GRHPR: variants seen among roughly 807,000 people sequenced by gnomAD.
GRHPR encodes the protein glyoxylate reductase/hydroxypyruvate reductase.
Under a neutral mutation model 36.8 loss-of-function variants are expected in GRHPR, and 35 were observed. That is an observed-to-expected ratio of 0.95 (90% CI 0.73 to 1.26). The LOEUF is 1.26. Ranked by LOEUF, GRHPR falls within the 50% of genes most tolerant of loss-of-function variation. GRHPR has a pLI of 0.00. For synonymous variants in GRHPR, 179 were observed against 181.0 expected (o/e 0.99, Z 0.09); for missense variants, 380 against 435.0 (o/e 0.87, Z 1.12).
downstream of GRHPR, chr9:37,438,532 A>AGT (rs1354374737): frequency 6.6e-6 from 1 of 152,298 alleles, no homozygotes; most frequent in Non-Finnish European, 1.5e-5. Flanking sequence ...AAGTCCACTT[A>AGT]TGCTTCAGCA....
chr9:37,422,745 C>G lies in GRHPR; in HGVS notation c.-6C>G. 6.3e-7 allele frequency: 1 copy of G among 1,577,072 alleles called. No homozygotes were observed. The highest frequency in any genetic ancestry group is 8.6e-7 in the Non-Finnish European group (1 of 1,162,760). ...TGCCAGGTCCGGGTCGGCGGCTGCA[C>G]TGCGGATGAGACCGGTGCGACTCAT... is the stretch of plus-strand genomic sequence containing the variant. On this transcript the variant is annotated 5_prime_UTR_variant, in exon 1 of 9. Transcript: ENST00000318158.
rs778679945 is a variant in GRHPR, at chr9:37,426,043, T to C, written c.287+49T>C. 8.0e-6 allele frequency: 10 copies of C among 1,250,952 alleles called. 1 individual carries two copies. In the South Asian group the frequency reaches 1.2e-4, roughly 15 times the overall value. 77.5% of individuals were successfully genotyped at this position (1,250,952 alleles called of 1,614,324 possible). A position where few individuals can be genotyped will look rare whatever the true frequency, so the allele number is the denominator to read the frequency against. ...GGGGGCCTAGAGAGAGGGGTGGCTA[T>C]GAGAGAAAGAAGAGCTGTTGATTTG... is the stretch of plus-strand genomic sequence containing the variant. On this transcript the variant is annotated intron_variant, in intron 3 of 8. Transcript: ENST00000318158.
downstream of GRHPR, chr9:37,438,529 C>T (rs2840246): frequency 0.1 from 15,355 of 152,284 alleles, 1,304 homozygotes; most frequent in East Asian, 0.49. Flanking sequence ...GCAAAGTCCA[C>T]TTATGCTTCA....
chr9:37,425,366 C>T lies in GRHPR; in HGVS notation c.214+391C>T, dbSNP rs902163713. On this transcript the variant is annotated intron_variant, in intron 2 of 8. Coordinates refer to ENST00000318158, the MANE Select transcript of GRHPR (RefSeq NM_012203.2). ...CCCCAGCAGGATGTCTTTCCTCAAC[C>T]GCAGCCACGGGTCTCAGCCCATGGA... Among the ~76,000 whole-genome samples, 6 of 152,250 alleles carry T rather than the reference C, an allele frequency of 3.9e-5. No individual in the cohort carries two copies. The South Asian group carries it at 8.3e-4, about 21-fold the overall frequency.
rs1183355957 is a variant in GRHPR at position 37,431,115 on chromosome 9, C to T, written c.734+469C>T. 6.8e-6 allele frequency: 3 copies of T among 442,998 alleles called. No individual in the cohort carries two copies. In the Admixed American group the frequency reaches 7.6e-5, roughly 11 times the overall value. 27.4% of individuals were successfully genotyped at this position (442,998 alleles called of 1,614,324 possible). A position where few individuals can be genotyped will look rare whatever the true frequency, so the allele number is the denominator to read the frequency against. On this transcript the variant is annotated intron_variant, in intron 7 of 8. Transcript: ENST00000318158. ...CGTGGTCGTAGCTCCTCACACTGTC[C>T]CTAGGGGTGCCTTCAGGCCACTGGG...
intron 2 of GRHPR, 133 bp downstream of exon 2, chr9:37,425,108 C>T (rs1226466548): frequency 7.9e-6 from 7 of 882,990 alleles, no homozygotes; most frequent in Non-Finnish European, 1.2e-5. Context: ...CAGGCCCGAG[C>T]GGGCAGATAG....
At chr9:37,428,639 C>T (rs1013950815) in intron 5 of GRHPR, 67 bp downstream of exon 5, 21 of 1,053,534 alleles carry the variant, frequency 2.0e-5, no homozygotes, top group East Asian at 4.7e-5. Context: ...CCTGGCACCA[C>T]GTGTCTGAAG....
chr9:37,434,048 C>A, intron 8 of GRHPR: 1 of 177,252 alleles, frequency 5.6e-6, no homozygotes, highest in East Asian at 1.3e-4. Flanking sequence ...CACCCTAGGT[C>A]CTGGAATTCA....
At chr9:37,436,589 A>G in intron 8 of GRHPR, 72 bp from the exon 9 acceptor site, 2 of 1,575,374 alleles carry the variant, frequency 1.3e-6, no homozygotes, top group Non-Finnish European at 1.7e-6. Context: ...AACCCAAGCC[A>G]TGAAAACAGC....
intron 8 of GRHPR, among the ~76,000 whole-genome samples, chr9:37,433,380 T>C (rs1564303246): frequency 6.6e-6 from 1 of 152,056 alleles, no homozygotes; most frequent in Non-Finnish European, 1.5e-5. Flanking sequence ...ATTACAGGCG[T>C]GTACCACCAG....
chr9:37,435,574 G>A (rs1237823489), intron 8 of GRHPR, among the ~76,000 whole-genome samples: 1 of 151,332 alleles, frequency 6.6e-6, no homozygotes, highest in Non-Finnish European at 1.5e-5. Context: ...TTACCAGAGA[G>A]GAGAAGAAAC....
At chr9:37,434,407 G>A in intron 8 of GRHPR, 1 of 521,462 alleles carries the variant, frequency 1.9e-6, no homozygotes, top group Non-Finnish European at 3.4e-6. Context: ...ATAGTATGGA[G>A]AATGTCAAGG....
chr9:37,429,086 A>T (rs1201107045), intron 5 of GRHPR: 2 of 300,376 alleles, frequency 6.7e-6, no homozygotes, highest in Non-Finnish European at 1.3e-5. Flanking sequence ...GCAGCTATCT[A>T]TTGGTGGTTC....
chr9:37,428,855 A>C, intron 5 of GRHPR: 5 of 538,836 alleles, frequency 9.3e-6, no homozygotes, highest in Non-Finnish European at 1.4e-5. Flanking sequence ...AAGACTACAA[A>C]TGTGTTGGGG....
At chr9:37,429,532 C>T in intron 5 of GRHPR, 200 bp from the exon 6 acceptor site, 1 of 657,410 alleles carries the variant, frequency 1.5e-6, no homozygotes, top group South Asian at 1.6e-5. Context: ...TCTCCAGATC[C>T]CTGGGGCAGT....
intron 4 of GRHPR, among the ~76,000 whole-genome samples, chr9:37,427,223 A>G (rs114099059): frequency 0.014 from 2,157 of 152,290 alleles, 54 homozygotes; most frequent in African/African-American, 0.049. Flanking sequence ...GCTTCACAGA[A>G]TAAGTAGCAG....
At chr9:37,435,751 A>C (rs565051897) in intron 8 of GRHPR, among the ~76,000 whole-genome samples, 1 of 152,276 alleles carries the variant, frequency 6.6e-6, no homozygotes, top group East Asian at 1.9e-4. Flanking sequence ...AAGAAAATGT[A>C]CTCAATTAAA....
At chr9:37,429,577 C>G (rs1588757079) in intron 5 of GRHPR, 155 bp from the exon 6 acceptor site, 2 of 723,160 alleles carry the variant, frequency 2.8e-6, no homozygotes, top group South Asian at 1.4e-5. Flanking sequence ...AGTGGGGCAG[C>G]CAGCCCCCCA....
chr9:37,431,249 T>C (rs1408203104), intron 7 of GRHPR: 1 of 342,988 alleles, frequency 2.9e-6, no homozygotes, highest in Non-Finnish European at 5.8e-6. Context: ...GGTGAGGTCA[T>C]CCTGAGGACT....
Sources: gnomAD v4.1 joint callset for allele counts (sites outside exome capture counted in the v4.1 genomes callset) on GRCh38, gnomAD v4.1.1 for gene constraint, MANE v1.5 for transcripts, NCBI Gene and HGNC (gene_info 2026-07-23, HGNC 2026-07-21) for gene names.